The following ZSCAN5A variants were observed in gnomAD, a reference collection of about 807,000 sequenced individuals.
ZSCAN5A encodes zinc finger and SCAN domain containing 5A, also known as zinc finger and SCAN domain-containing protein 5A.
Under a neutral mutation model 23.7 loss-of-function variants are expected in ZSCAN5A, and 12 were observed. The observed-to-expected ratio is 0.51, with a 90% CI of 0.32 to 0.82. The LOEUF is 0.82. Among genes scored for constraint, ZSCAN5A ranks in the 40% least tolerant of loss-of-function variants. The probability of loss-of-function intolerance (pLI) is 0.03; values close to 1 mark genes in which losing one functional copy is unlikely to be tolerated. For missense variants in ZSCAN5A, 597 were observed against 617.9 expected, an observed-to-expected ratio of 0.97 and a Z score of 0.36; for synonymous variants, 257 against 239.9, an observed-to-expected ratio of 1.07 and a Z score of -0.66.
chr19:56,276,933 CAAAT>C (rs2038310441), intron 2 of ZSCAN5A, among the ~76,000 whole-genome samples: 2 of 151,862 alleles, frequency 1.3e-5, no homozygotes, highest in Non-Finnish European at 2.9e-5. Context: ...TTTACAAATA[CAAAT>C]ACTTATATTT....
intron 2 of ZSCAN5A, chr19:56,245,190 A>G (rs756742119): frequency 5.6e-5 from 30 of 532,272 alleles, no homozygotes; most frequent in Non-Finnish European, 8.6e-5. Flanking sequence ...AGGTTCTCAT[A>G]GTGAGTCTGA....
At chr19:56,248,510 C>T (rs931499058) in intron 2 of ZSCAN5A, among the ~76,000 whole-genome samples, 2 of 152,102 alleles carry the variant, frequency 1.3e-5, no homozygotes, top group Non-Finnish European at 2.9e-5. Flanking sequence ...CTGCCTGCCT[C>T]GGCCCCCCAA....
chr19:56,240,727 C>T (rs186403383), intron 2 of ZSCAN5A, among the ~76,000 whole-genome samples: 24 of 152,310 alleles, frequency 1.6e-4, no homozygotes, highest in Non-Finnish European at 2.5e-4. Context: ...ATAATATTAA[C>T]TTTCTCATCA....
At chr19:56,228,295 G>A (rs890532663) in intron 2 of ZSCAN5A, 8 of 985,206 alleles carry the variant, frequency 8.1e-6, no homozygotes, top group Non-Finnish European at 9.6e-6. Flanking sequence ...TCTGGGATGC[G>A]CTCTCCAACC....
intron 2 of ZSCAN5A, among the ~76,000 whole-genome samples, chr19:56,261,330 G>C (rs1017658999): frequency 6.6e-6 from 1 of 152,170 alleles, no homozygotes; most frequent in African/African-American, 2.4e-5. Flanking sequence ...CCCAGTGGTA[G>C]CTCAGGGGCT....
chr19:56,293,318 G>C (rs1312636778), intron 2 of ZSCAN5A, among the ~76,000 whole-genome samples: 8 of 152,180 alleles, frequency 5.3e-5, no homozygotes, highest in Non-Finnish European at 1.5e-5. Context: ...CAGCCAGTCA[G>C]GTGCAGAGAA....
intron 2 of ZSCAN5A, among the ~76,000 whole-genome samples, chr19:56,230,783 A>C (rs779371961): frequency 5.9e-4 from 90 of 152,134 alleles, no homozygotes; most frequent in Non-Finnish European, 9.4e-4. Context: ...ATAAAAATGC[A>C]TTTACTATTA....
intron 2 of ZSCAN5A, chr19:56,263,370 C>T (rs1013625362): frequency 6.6e-6 from 1 of 152,052 alleles, no homozygotes; most frequent in African/African-American, 2.4e-5. Context: ...TTCACTTTTC[C>T]GAAAGCCAGA....
chr19:56,344,909 C>CAAAAA (rs1019131536), intron 2 of ZSCAN5A, among the ~76,000 whole-genome samples: 5 of 19,016 alleles, frequency 2.6e-4, no homozygotes, highest in African/African-American at 5.3e-4. Flanking sequence ...GACTCCGTCT[C>CAAAAA]AAAAAAAAAA....
chr19:56,314,788 TG>T lies in ZSCAN5A; in HGVS notation c.-338del, dbSNP rs1236004795. The T allele has an allele frequency of 6.6e-6, 1 of 152,150 alleles. No homozygotes were observed. The highest frequency in any genetic ancestry group is 2.4e-5 in the African/African-American group (1 of 41,404). The allele number at this position is 152,150 out of a possible 1,614,324, so 9.4% of individuals were successfully genotyped here. ...AGGCATCGTGGTAGGACCTGGCGAG[TG>T]GGGCCGGGGAGAGCGGGACGCCTGG... On this transcript the variant is annotated 5_prime_UTR_variant, in exon 1 of 6. The change abolishes the stop of an existing upstream ORF in the 5' untranslated region. Transcript: ENST00000683990.
chr19:56,274,353 C>A (rs1228091171), intron 2 of ZSCAN5A, among the ~76,000 whole-genome samples: 1 of 151,792 alleles, frequency 6.6e-6, no homozygotes, highest in Non-Finnish European at 1.5e-5. Context: ...ACTCAGGAAG[C>A]TGAGGCAGGA....
intron 2 of ZSCAN5A, among the ~76,000 whole-genome samples, chr19:56,297,332 GTTTCT>G (rs988704829): frequency 3.3e-5 from 5 of 151,820 alleles, no homozygotes; most frequent in African/African-American, 1.2e-4. Context: ...TCACCTGATG[GTTTCT>G]TTTCTTTTCC....
chr19:56,329,129 A>C (rs1356557634), intron 2 of ZSCAN5A, among the ~76,000 whole-genome samples: 2 of 152,176 alleles, frequency 1.3e-5, no homozygotes, highest in African/African-American at 2.4e-5. Flanking sequence ...TGGATGGATC[A>C]GTTGAGGCCA....
At chr19:56,300,817 A>T (rs1423807678) in intron 2 of ZSCAN5A, among the ~76,000 whole-genome samples, 1 of 152,114 alleles carries the variant, frequency 6.6e-6, no homozygotes, top group Non-Finnish European at 1.5e-5. Context: ...AAAAAATGAG[A>T]TTTTCTGAAT....
chr19:56,302,622 C>CT (rs1339841450), intron 2 of ZSCAN5A, among the ~76,000 whole-genome samples: 3 of 126,762 alleles, frequency 2.4e-5, no homozygotes, highest in Admixed American at 8.1e-5. Flanking sequence ...CCTCTTCCTC[C>CT]CTCCCTCCTC....
intron 2 of ZSCAN5A, chr19:56,342,634 T>A (rs530361904): frequency 8.3e-6 from 4 of 479,436 alleles, no homozygotes; most frequent in South Asian, 2.4e-5. Context: ...GGGAAAAAAA[T>A]TTGGAAAAAG....
chr19:56,246,957 C>T (rs538364789), intron 2 of ZSCAN5A: 43 of 1,505,938 alleles, frequency 2.9e-5, no homozygotes, highest in Middle Eastern at 1.7e-4. Flanking sequence ...TGGGCAACAG[C>T]GAATCCCCAG....
At chr19:56,336,928 G>T (rs2041543341) in intron 2 of ZSCAN5A, among the ~76,000 whole-genome samples, 1 of 152,182 alleles carries the variant, frequency 6.6e-6, no homozygotes, top group African/African-American at 2.4e-5. Context: ...GCTGCTGCCT[G>T]ATCATTCCTC....
intron 2 of ZSCAN5A, among the ~76,000 whole-genome samples, chr19:56,253,186 G>A (rs911975961): frequency 1.3e-5 from 2 of 151,844 alleles, no homozygotes; most frequent in East Asian, 3.9e-4. Context: ...GCTGAGGTGG[G>A]AGGATCACCT....
Sources: allele counts gnomAD v4.1 joint callset (sites outside exome capture counted in the v4.1 genomes callset), GRCh38; gene constraint gnomAD v4.1.1; transcripts MANE v1.5; gene names NCBI Gene and HGNC (gene_info 2026-07-23, HGNC 2026-07-21).